Variants in DRAM1 observed in about 807,000 individuals in gnomAD.
DRAM1 encodes the protein DNA damage regulated autophagy modulator 1.
A neutral mutation model predicts 28.5 loss-of-function variants in DRAM1; 25 were observed. That is an observed-to-expected ratio of 0.88 (90% CI 0.64 to 1.23). DRAM1 has a LOEUF of 1.23. DRAM1 is among the 50% of genes most tolerant of loss of function. The probability of loss-of-function intolerance (pLI) is 0.00; values close to 1 mark genes in which losing one functional copy is unlikely to be tolerated. For synonymous variants in DRAM1, 113 were observed against 114.2 expected (o/e 0.99, Z 0.07); for missense variants, 249 against 299.2 (o/e 0.83, Z 1.24).
intron 1 of DRAM1, among the ~76,000 whole-genome samples, chr12:101,892,875 C>A: frequency 6.6e-6 from 1 of 152,006 alleles, no homozygotes; most frequent in Non-Finnish European, 1.5e-5. Flanking sequence ...TGAGTAAATT[C>A]TATAGCTATC....
At chr12:101,886,936 A>G (rs999326458) in intron 1 of DRAM1, among the ~76,000 whole-genome samples, 1 of 152,166 alleles carries the variant, frequency 6.6e-6, no homozygotes, top group African/African-American at 2.4e-5. Context: ...ACTTGAGGTC[A>G]GGAGTTCAAT....
At position 101,918,396 on chromosome 12, in the gene DRAM1, G is replaced by A. The variant is rs141939396; in HGVS notation, c.580-1713G>A. ...CATCTTCCTTGTTCAGGGATGATACGGGATGTGGCAGGTCCCCTGGTACTG... is the reference window on the plus strand; with the variant it reads ...CATCTTCCTTGTTCAGGGATGATACAGGATGTGGCAGGTCCCCTGGTACTG... On this transcript the variant is annotated intron_variant, in intron 5 of 6. Coordinates refer to ENST00000258534, the MANE Select transcript of DRAM1 (RefSeq NM_018370.3). Among the ~76,000 whole-genome samples the A allele has an allele frequency of 3.5e-3, 530 of 152,286 alleles. 6 individuals carry two copies. Among genetic ancestry groups the A allele is most frequent in the African/African-American group, 0.012 (505 of 41,544 alleles).
chr12:101,914,281 G>C, intron 5 of DRAM1, 49 bp downstream of exon 5: 1 of 1,484,342 alleles, frequency 6.7e-7, no homozygotes. Context: ...GGTTATGTGA[G>C]CTTGTGGCCA....
Position 101,921,229 on chromosome 12 carries a change from G to A in DRAM1, c.686G>A (p.Arg229Lys), listed in dbSNP as rs770177193. ...TTTTAAAAATAGAGTGTCACCCTAAGGATATCCACAGAAATCAATGGTGAT... is the reference window on the plus strand; with the variant it reads ...TTTTAAAAATAGAGTGTCACCCTAAAGATATCCACAGAAATCAATGGTGAT... ...FIQDFQSVTL[R>K]ISTEINGDI Residue 229 changes from arginine to lysine, a missense_variant, in exon 7 of 7, where the codon AGG becomes AAG. By Grantham distance (26) the Arg-to-Lys change is conservative. Around this residue, in one of 3 missense-constraint regions of DRAM1, gnomAD observed 16 missense variants for 16.2 expected, o/e 0.99. Transcript: ENST00000258534. The A allele has an allele frequency of 1.9e-5, 30 of 1,605,004 alleles. No individual in the cohort carries two copies. The South Asian group carries it at 3.3e-4, about 18-fold the overall frequency.
rs397965756 is a variant in DRAM1 at position 101,907,199 on chromosome 12, C to CA, written c.343-968dup. ...TAAGCGACGGAGTGAGACCCTGTCT[C>CA]AAAAAAAAAAAAAAAAAAAGAAGAA... is the stretch of plus-strand genomic sequence containing the variant. On this transcript the variant is annotated intron_variant, in intron 3 of 6. Coordinates refer to ENST00000258534, the MANE Select transcript of DRAM1 (RefSeq NM_018370.3). 6.0e-3 allele frequency among the ~76,000 whole-genome samples: 510 copies of CA among 85,018 alleles called. 15 individuals carry two copies. The highest frequency in any genetic ancestry group is 0.015 in the African/African-American group (323 of 21,758). 55.8% of individuals were successfully genotyped at this position (85,018 alleles called of 152,430 possible).
chr12:101,913,792 C>T (rs1874132453), intron 4 of DRAM1, among the ~76,000 whole-genome samples: 1 of 148,718 alleles, frequency 6.7e-6, no homozygotes, highest in Non-Finnish European at 1.5e-5. Flanking sequence ...TCAAAAAGAA[C>T]CATCCTGGAC....
chr12:101,901,458 A>T (rs1196048788), intron 3 of DRAM1, 25 bp downstream of exon 3: 2 of 1,612,500 alleles, frequency 1.2e-6, no homozygotes, highest in East Asian at 4.5e-5. Context: ...TTTTTCAGTT[A>T]TGAGGAGTGG....
chr12:101,911,399 G>A (rs962689067), intron 4 of DRAM1, among the ~76,000 whole-genome samples: 11 of 152,062 alleles, frequency 7.2e-5, no homozygotes, highest in South Asian at 2.1e-4. Flanking sequence ...GTCTTGCACC[G>A]GGCTTCTAAA....
At chr12:101,894,957 C>T (rs140041325) in intron 1 of DRAM1, among the ~76,000 whole-genome samples, 21 of 152,254 alleles carry the variant, frequency 1.4e-4, no homozygotes, top group African/African-American at 5.1e-4. Context: ...TTTATACCCT[C>T]AGGCCAAGGC....
At position 101,878,336 on chromosome 12, in the gene DRAM1, G is replaced by A. The variant is rs985724495; in HGVS notation, c.131+416G>A. Among the ~76,000 whole-genome samples the A allele has an allele frequency of 5.3e-5, 8 of 152,186 alleles. No individual in the cohort carries two copies. The East Asian group carries it at 1.3e-3, about 26-fold the overall frequency. On this transcript the variant is annotated intron_variant, in intron 1 of 6. Coordinates refer to ENST00000258534, the MANE Select transcript of DRAM1 (RefSeq NM_018370.3). ...TCTGCATCCCAACATCCCTTGAAGT[G>A]GATGTTTGGGCTTATTATTCCCGCA...
At chr12:101,889,130 A>G (rs1360044916) in intron 1 of DRAM1, among the ~76,000 whole-genome samples, 1 of 152,182 alleles carries the variant, frequency 6.6e-6, no homozygotes, top group East Asian at 1.9e-4. Context: ...AAAGTTTCAT[A>G]GTCCTCTTTA....
chr12:101,894,277 C>A (rs1228831231), intron 1 of DRAM1, among the ~76,000 whole-genome samples: 1 of 152,104 alleles, frequency 6.6e-6, no homozygotes, highest in Non-Finnish European at 1.5e-5. Flanking sequence ...ACCACTATGC[C>A]TGGCTAATTT....
chr12:101,901,602 A>G (rs1339402270), intron 3 of DRAM1, 169 bp downstream of exon 3: 23 of 752,974 alleles, frequency 3.1e-5, no homozygotes, highest in South Asian at 2.0e-4. Context: ...TTTGGAAATC[A>G]GGGCCAGGTG....
At chr12:101,880,978 G>T (rs116509890) in intron 1 of DRAM1, among the ~76,000 whole-genome samples, 142 of 152,272 alleles carry the variant, frequency 9.3e-4, no homozygotes, top group African/African-American at 3.3e-3. Context: ...GGGTCTTTTA[G>T]GTTGTTTGCT....
At chr12:101,888,750 T>C (rs1296613462) in intron 1 of DRAM1, among the ~76,000 whole-genome samples, 2 of 151,672 alleles carry the variant, frequency 1.3e-5, no homozygotes, top group Admixed American at 1.3e-4. Flanking sequence ...TCAAAAGTCT[T>C]GACTGATGCA....
At chr12:101,920,252 T>A in intron 6 of DRAM1, 51 bp downstream of exon 6, 2 of 1,344,014 alleles carry the variant, frequency 1.5e-6, no homozygotes, top group Non-Finnish European at 2.1e-6. Flanking sequence ...TTAGGATTAG[T>A]AAAAATTTGC....
chr12:101,915,169 T>C lies in DRAM1; in HGVS notation c.579+937T>C, dbSNP rs558688284. Among the ~76,000 whole-genome samples the C allele has an allele frequency of 4.2e-3, 630 of 151,778 alleles. 4 individuals carry two copies. The highest frequency in any genetic ancestry group is 0.014 in the African/African-American group (564 of 41,352). On this transcript the variant is annotated intron_variant, in intron 5 of 6. Transcript: ENST00000258534. ...TACTTTTTTGTATTTTTAGTAGAGA[T>C]GGGGTTTCACCGTATTAGCCAGGAT...
intron 2 of DRAM1, 149 bp downstream of exon 2, chr12:101,898,079 G>A (rs1226723483): frequency 1.4e-5 from 7 of 504,878 alleles, no homozygotes; most frequent in Non-Finnish European, 2.3e-5. Context: ...GGAGTGCAGT[G>A]GCGTGATCAC....
At chr12:101,901,495 G>T (rs1873604393) in intron 3 of DRAM1, 62 bp downstream of exon 3, 18 of 1,560,964 alleles carry the variant, frequency 1.2e-5, no homozygotes, top group Non-Finnish European at 1.1e-5. Flanking sequence ...GAAGAGAGCA[G>T]CAGAAATGCA....
Sources: gnomAD v4.1 joint callset for allele counts (sites outside exome capture counted in the v4.1 genomes callset) on GRCh38, gnomAD v4.1.1 for gene constraint, gnomAD v4.1.1 regional missense constraint, MANE v1.5 for transcripts, NCBI Gene and HGNC (gene_info 2026-07-23, HGNC 2026-07-21) for gene names.